The following FIGN variants were observed in gnomAD, a reference collection of about 807,000 sequenced individuals.
The protein encoded by FIGN is fidgetin, microtubule severing factor, also known as fidgetin.
Under a neutral mutation model 51.3 loss-of-function variants are expected in FIGN, and 11 were observed. That is an observed-to-expected ratio of 0.21 (90% confidence interval 0.13 to 0.35). FIGN has a LOEUF of 0.35. Among genes scored for constraint, FIGN ranks in the 10% least tolerant of loss-of-function variants. The pLI is 1.00. For missense variants in FIGN, 857 were observed against 943.6 expected, an observed-to-expected ratio of 0.91 and a Z score of 1.20; for synonymous variants, 407 against 363.2, an observed-to-expected ratio of 1.12 and a Z score of -1.37.
intron 2 of FIGN, among the ~76,000 whole-genome samples, chr2:163,719,225 T>C (rs1684716639): frequency 6.6e-6 from 1 of 152,222 alleles, no homozygotes; most frequent in Non-Finnish European, 1.5e-5. Flanking sequence ...TTTAAGTTTA[T>C]TTCTTAAGTG....
At chr2:163,683,839 A>T (rs998559297) in intron 2 of FIGN, among the ~76,000 whole-genome samples, 6 of 152,180 alleles carry the variant, frequency 3.9e-5, no homozygotes, top group African/African-American at 1.4e-4. Flanking sequence ...TGTTTTAATG[A>T]ACTATCTTCT....
intron 2 of FIGN, among the ~76,000 whole-genome samples, chr2:163,689,175 C>CACACACACACACACACAT (rs1226282465): frequency 7.3e-5 from 11 of 151,426 alleles, no homozygotes; most frequent in African/African-American, 2.7e-4. Context: ...CAAAAATGAA[C>CACACACACACACACACAT]ACACACACAC....
At chr2:163,681,931 G>A (rs559283286) in intron 2 of FIGN, among the ~76,000 whole-genome samples, 10 of 152,236 alleles carry the variant, frequency 6.6e-5, no homozygotes, top group African/African-American at 2.2e-4. Flanking sequence ...ATGTGGCTTC[G>A]AATAAGGAAG....
At chr2:163,652,361 A>AACACACACACACACAC (rs60276598) in intron 2 of FIGN, among the ~76,000 whole-genome samples, 1 of 139,374 alleles carries the variant, frequency 7.2e-6, no homozygotes, top group African/African-American at 2.8e-5. Context: ...CACACACACA[A>AACACACACACACACAC]ACACACACAC....
chr2:163,726,473 A>G (rs1452698414), intron 2 of FIGN, among the ~76,000 whole-genome samples: 1 of 152,114 alleles, frequency 6.6e-6, no homozygotes, highest in African/African-American at 2.4e-5. Flanking sequence ...AACAAGTTAC[A>G]TATTGGGAAT....
chr2:163,661,451 C>CA (rs913019226), intron 2 of FIGN, among the ~76,000 whole-genome samples: 2 of 151,776 alleles, frequency 1.3e-5, no homozygotes, highest in Non-Finnish European at 2.9e-5. Context: ...GGCTGGAGTA[C>CA]AATGGTGTGA....
intron 2 of FIGN, among the ~76,000 whole-genome samples, chr2:163,651,290 G>A (rs1481930599): frequency 2.6e-5 from 4 of 151,986 alleles, no homozygotes; most frequent in African/African-American, 4.8e-5. Context: ...GTGAAACCCC[G>A]TCTCTACTAA....
chr2:163,612,655 C>T, intron 2 of FIGN: 1 of 979,478 alleles, frequency 1.0e-6, no homozygotes, highest in Non-Finnish European at 1.2e-6. Context: ...TATAATCCCT[C>T]CTCCCCTTAC....
chr2:163,633,210 T>C (rs541012714), intron 2 of FIGN, among the ~76,000 whole-genome samples: 1 of 152,094 alleles, frequency 6.6e-6, no homozygotes, highest in South Asian at 2.1e-4. Flanking sequence ...AAAAATAACA[T>C]AGTAATAATT....
At chr2:163,676,480 T>TATCTAGAGTCTGTGCTCTAG (rs1683972027) in intron 2 of FIGN, among the ~76,000 whole-genome samples, 5 of 76,886 alleles carry the variant, frequency 6.5e-5, no homozygotes, top group African/African-American at 2.0e-4. Context: ...TATATATATA[T>TATCTAGAGTCTGTGCTCTAG]ATAACTAGAG....
chr2:163,625,815 A>T (rs1269936005), intron 2 of FIGN, among the ~76,000 whole-genome samples: 1 of 152,084 alleles, frequency 6.6e-6, no homozygotes, highest in Admixed American at 6.6e-5. Flanking sequence ...GGTAACATAA[A>T]TATCTTTTGC....
At chr2:163,676,476 TATATATAA>T (rs1242935363) in intron 2 of FIGN, among the ~76,000 whole-genome samples, 2,060 of 101,960 alleles carry the variant, frequency 0.02, 131 homozygotes, top group South Asian at 0.031. Flanking sequence ...TATATATATA[TATATATAA>T]CTAGAGTCTG....
intron 2 of FIGN, among the ~76,000 whole-genome samples, chr2:163,621,886 T>C (rs192753391): frequency 2.6e-5 from 4 of 152,180 alleles, no homozygotes; most frequent in Admixed American, 1.3e-4. Context: ...ACCTAACCCA[T>C]GGGAAACAGG....
intron 2 of FIGN, among the ~76,000 whole-genome samples, chr2:163,724,188 G>A (rs1266031218): frequency 6.6e-6 from 1 of 152,074 alleles, no homozygotes; most frequent in African/African-American, 2.4e-5. Context: ...TTCGACTGTG[G>A]GCTTCTGCTG....
intron 2 of FIGN, among the ~76,000 whole-genome samples, chr2:163,681,784 G>A (rs1166011807): frequency 1.3e-5 from 2 of 152,160 alleles, no homozygotes; most frequent in African/African-American, 4.8e-5. Context: ...GGAAAACGAT[G>A]GAATCGCTTT....
intron 2 of FIGN, among the ~76,000 whole-genome samples, chr2:163,696,171 T>C (rs41486246): frequency 0.11 from 16,478 of 151,832 alleles, 1,739 homozygotes; most frequent in African/African-American, 0.28. Flanking sequence ...AATAAAGACA[T>C]GAAAAGAAAC....
chr2:163,713,695 A>G (rs977068329), intron 2 of FIGN, among the ~76,000 whole-genome samples: 3 of 152,210 alleles, frequency 2.0e-5, no homozygotes, highest in Non-Finnish European at 4.4e-5. Flanking sequence ...TCTGTGCTAC[A>G]GTGAGCCGGA....
chr2:163,702,996 G>A (rs977600581), intron 2 of FIGN, among the ~76,000 whole-genome samples: 2 of 150,104 alleles, frequency 1.3e-5, no homozygotes, highest in African/African-American at 4.9e-5. Context: ...GTTGAGCAAG[G>A]TCTCCGCAAA....
In FIGN at chr2:163,660,820, CAT is replaced by C. The variant is rs1212904958; in HGVS notation, c.26-49016_26-49015del. ...ATAGATATACATATATATACATATA[CAT>C]ATATATGTATACATATATACATATA... On this transcript the variant is annotated intron_variant, in intron 2 of 2. Transcript: ENST00000333129. 1.5e-4 allele frequency among the ~76,000 whole-genome samples: 6 copies of C among 40,458 alleles called. 3 individuals are homozygous for C. The highest frequency in any genetic ancestry group is 2.9e-4 in the Non-Finnish European group (6 of 20,584). The allele number at this position is 40,458 out of a possible 152,430, so 26.5% of individuals were successfully genotyped here.
Sources: allele counts gnomAD v4.1 joint callset (sites outside exome capture counted in the v4.1 genomes callset), GRCh38; gene constraint gnomAD v4.1.1; transcripts MANE v1.5; gene names NCBI Gene and HGNC (gene_info 2026-07-23, HGNC 2026-07-21).